CEP112: variants seen among roughly 807,000 people sequenced by gnomAD.
CEP112 encodes centrosomal protein 112, also known as centrosomal protein of 112 kDa.
CEP112 carries 127 observed loss-of-function variants against 153.0 expected under a neutral mutation model. The ratio of observed to expected loss-of-function variants is 0.83; its 90% CI spans 0.72 to 0.96. CEP112 has a LOEUF of 0.96. Ranked by LOEUF, CEP112 falls within the 40% of genes least tolerant of loss-of-function variation. CEP112 has a pLI of 0.00. For missense variants in CEP112, 1,089 were observed against 1,101.2 expected, an observed-to-expected ratio of 0.99 and a Z score of 0.16; for synonymous variants, 358 against 374.4, an observed-to-expected ratio of 0.96 and a Z score of 0.51.
intron 8 of CEP112, among the ~76,000 whole-genome samples, chr17:66,084,544 T>C (rs1203676614): frequency 2.0e-5 from 3 of 152,136 alleles, no homozygotes; most frequent in African/African-American, 7.2e-5. Context: ...CTATGTTCAG[T>C]GAAATAAGCC....
intron 21 of CEP112, among the ~76,000 whole-genome samples, chr17:65,787,741 TTC>T (rs2054356416): frequency 6.6e-6 from 1 of 152,248 alleles, no homozygotes; most frequent in Non-Finnish European, 1.5e-5. Flanking sequence ...AAATTATGTT[TTC>T]TGTTTCTTGC....
At chr17:65,806,388 G>A (rs1298827789) in intron 21 of CEP112, among the ~76,000 whole-genome samples, 6 of 152,234 alleles carry the variant, frequency 3.9e-5, no homozygotes, top group African/African-American at 9.6e-5. Context: ...TGGTTTGAAC[G>A]TGTCCCACGA....
chr17:65,862,780 T>C (rs1446947394), intron 20 of CEP112, among the ~76,000 whole-genome samples: 1 of 152,170 alleles, frequency 6.6e-6, no homozygotes, highest in African/African-American at 2.4e-5. Flanking sequence ...TTCTAAAAGA[T>C]AATTTCTTAA....
intron 19 of CEP112, among the ~76,000 whole-genome samples, chr17:65,915,326 G>T (rs1293581937): frequency 6.6e-6 from 1 of 152,030 alleles, no homozygotes; most frequent in African/African-American, 2.4e-5. Context: ...CTGCAAAATA[G>T]ATCCCAAATC....
intron 12 of CEP112, among the ~76,000 whole-genome samples, chr17:66,052,643 C>T (rs1044877588): frequency 6.6e-6 from 1 of 152,160 alleles, no homozygotes; most frequent in Non-Finnish European, 1.5e-5. Context: ...TTTGGGCTTA[C>T]CCATGTGATG....
At chr17:65,810,646 A>G (rs746602242) in intron 21 of CEP112, among the ~76,000 whole-genome samples, 2 of 151,976 alleles carry the variant, frequency 1.3e-5, no homozygotes, top group Non-Finnish European at 2.9e-5. Context: ...TTGCTACCAC[A>G]GTATAACTTA....
At chr17:65,702,000 T>C (rs2048665085) in intron 23 of CEP112, among the ~76,000 whole-genome samples, 1 of 149,214 alleles carries the variant, frequency 6.7e-6, no homozygotes, top group Admixed American at 6.8e-5. Flanking sequence ...CTCAGCCTCC[T>C]GAGTAGCTGG....
At chr17:65,973,785 G>C (rs1382261365) in intron 17 of CEP112, among the ~76,000 whole-genome samples, 2 of 152,112 alleles carry the variant, frequency 1.3e-5, no homozygotes, top group Non-Finnish European at 2.9e-5. Context: ...AGAACGTTTG[G>C]GGTGATACAT....
intron 11 of CEP112, among the ~76,000 whole-genome samples, chr17:66,055,719 G>A (rs148363549): frequency 9.2e-4 from 140 of 152,254 alleles, no homozygotes; most frequent in African/African-American, 2.9e-3. Context: ...CGTCGCTGTC[G>A]GAGGGGTGGC....
intron 21 of CEP112, among the ~76,000 whole-genome samples, chr17:65,815,550 AG>A (rs1441285673): frequency 1.3e-5 from 2 of 152,144 alleles, no homozygotes; most frequent in African/African-American, 4.8e-5. Context: ...AAAACTGCTT[AG>A]GTTTGGATGA....
At chr17:66,129,872 G>A (rs1385194374) in intron 5 of CEP112, 49 bp from the exon 6 acceptor site, 4 of 1,103,216 alleles carry the variant, frequency 3.6e-6, no homozygotes, top group East Asian at 2.6e-5. Flanking sequence ...AAAGATGGAA[G>A]AAATAAAAGG....
intron 16 of CEP112, among the ~76,000 whole-genome samples, chr17:66,008,160 C>T (rs184329724): frequency 8.5e-5 from 13 of 152,102 alleles, no homozygotes; most frequent in Admixed American, 5.2e-4. Context: ...ATCGTATATA[C>T]ATATGTGTGA....
At chr17:65,640,155 T>TATATATATATA (rs1491163281) in intron 25 of CEP112, among the ~76,000 whole-genome samples, 4 of 24,974 alleles carry the variant, frequency 1.6e-4, no homozygotes, top group African/African-American at 8.1e-4. Context: ...TATATATATA[T>TATATATATATA]TTTTTTTTTT....
intron 21 of CEP112, among the ~76,000 whole-genome samples, chr17:65,788,661 T>C (rs2054414627): frequency 1.3e-5 from 2 of 152,238 alleles, no homozygotes; most frequent in Non-Finnish European, 2.9e-5. Flanking sequence ...TTCAATTTTA[T>C]TGGCATAAAG....
chr17:65,637,233 T>C, intron 25 of CEP112, 45 bp from the exon 26 acceptor site: 1 of 1,272,464 alleles, frequency 7.9e-7, no homozygotes, highest in Non-Finnish European at 1.2e-6. Context: ...GTGGCTTACA[T>C]GTCAATATTG....
At position 65,689,230 on chromosome 17, in the gene CEP112, T is replaced by G; in HGVS notation, c.2608-12A>C. 4.4e-6 allele frequency: 7 copies of G among 1,583,436 alleles called. No individual in the cohort carries two copies. The highest frequency in any genetic ancestry group is 1.7e-4 in the Middle Eastern group (1 of 5,970). On this transcript the variant is annotated splice_polypyrimidine_tract_variant and intron_variant, in intron 23 of 26. Coordinates refer to ENST00000535342, the MANE Select transcript of CEP112 (RefSeq NM_001199165.4). ...TCATCTTGTAAAACCTGAAACGGTA[T>G]AAAATAAAGATATCATTAATAATTA... is the stretch of plus-strand genomic sequence containing the variant.
intron 11 of CEP112, among the ~76,000 whole-genome samples, chr17:66,057,471 G>A (rs746604575): frequency 3.9e-5 from 6 of 152,038 alleles, no homozygotes; most frequent in Admixed American, 6.6e-5. Context: ...AGCAACAAAC[G>A]AAGAAGATGA....
intron 12 of CEP112, among the ~76,000 whole-genome samples, chr17:66,045,079 T>TAAAA (rs2066146040): frequency 8.6e-6 from 1 of 115,688 alleles, no homozygotes. Flanking sequence ...AAAAAAAAAT[T>TAAAA]TTTTTTTTTG....
chr17:65,869,187 A>G (rs1301294084), intron 20 of CEP112, among the ~76,000 whole-genome samples: 4 of 152,216 alleles, frequency 2.6e-5, no homozygotes, highest in Non-Finnish European at 4.4e-5. Flanking sequence ...TATTTTTAAG[A>G]TCCCTTAAAT....
Sources: allele counts gnomAD v4.1 joint callset (sites outside exome capture counted in the v4.1 genomes callset), GRCh38; gene constraint gnomAD v4.1.1; transcripts MANE v1.5; gene names NCBI Gene and HGNC (gene_info 2026-07-23, HGNC 2026-07-21).